NCKAP1L: variants seen among roughly 807,000 people sequenced by gnomAD.
NCKAP1L encodes the protein nck-associated protein 1-like.
NCKAP1L carries 53 observed loss-of-function variants against 139.2 expected under a neutral mutation model. That is an observed-to-expected ratio of 0.38 (90% CI 0.31 to 0.48). The LOEUF (loss-of-function observed/expected upper bound fraction) is 0.48, where lower values mean the gene tolerates loss of function less well. Among genes scored for constraint, NCKAP1L ranks in the 20% least tolerant of loss-of-function variants. NCKAP1L has a pLI of 0.98. For missense variants in NCKAP1L, 1,151 were observed against 1,381.9 expected (o/e 0.83, Z 2.65); for synonymous variants, 468 against 499.7 (o/e 0.94, Z 0.85).
At chr12:54,529,856 G>A (rs1473783531) in intron 22 of NCKAP1L, among the ~76,000 whole-genome samples, 1 of 152,226 alleles carries the variant, frequency 6.6e-6, no homozygotes, top group Non-Finnish European at 1.5e-5. Flanking sequence ...GCTGGGGGTA[G>A]AGAAGACTGG....
At chr12:54,510,225 A>C in intron 7 of NCKAP1L, 1 of 563,816 alleles carries the variant, frequency 1.8e-6, no homozygotes, top group Admixed American at 3.1e-5. Context: ...CTGTCCATAG[A>C]AGGAATTTAG....
chr12:54,537,828 C>T (rs977465496), intron 29 of NCKAP1L, among the ~76,000 whole-genome samples: 5 of 152,048 alleles, frequency 3.3e-5, no homozygotes, highest in Non-Finnish European at 7.4e-5. Flanking sequence ...AACTAGGCAG[C>T]GGATTCCACT....
At position 54,500,535 on chromosome 12, in the gene NCKAP1L, AC is replaced by A; in HGVS notation, c.217del (p.His73IlefsTer2). On this transcript the variant is annotated frameshift_variant, in exon 3 of 31. Coordinates refer to ENST00000293373, the MANE Select transcript of NCKAP1L (RefSeq NM_005337.5). LOFTEE classifies it high-confidence loss of function. ...GTTTTGTTTTGTGTTTCTCTCAGCA[AC>A]ATTTAGGACCAGTACATCGTGAAAA... ...PNIDVRNSTQHLGPVHREKAE... is the reference protein window; with the variant it reads ...PNIDVRNSTQXLGPVHREKAE... The A allele has an allele frequency of 1.2e-6, 2 of 1,608,432 alleles. No individual in the cohort carries two copies. Among genetic ancestry groups the A allele is most frequent in the Non-Finnish European group, 1.7e-6 (2 of 1,174,944 alleles).
At chr12:54,515,748 A>G (rs1442129745) in intron 9 of NCKAP1L, among the ~76,000 whole-genome samples, 2 of 152,368 alleles carry the variant, frequency 1.3e-5, no homozygotes, top group South Asian at 4.1e-4. Flanking sequence ...AGGAGAGATT[A>G]AAGTATTAAA....
intron 4 of NCKAP1L, 52 bp from the exon 5 acceptor site, chr12:54,508,337 T>A: frequency 1.9e-6 from 3 of 1,592,844 alleles, no homozygotes; most frequent in Non-Finnish European, 2.6e-6. Context: ...AAGAAGGAGA[T>A]CCAGGTTAAT....
rs769598239 is a variant in NCKAP1L at position 54,526,603 on chromosome 12, C to T, written c.2232C>T (p.Val744=). 1 of 1,614,022 alleles carries T rather than the reference C, an allele frequency of 6.2e-7. No individual in the cohort carries two copies. Among genetic ancestry groups the T allele is most frequent in the Non-Finnish European group, 8.5e-7 (1 of 1,180,012 alleles). The change falls in exon 21 of 31, where the codon GTC becomes GTT. Residue 744 remains valine (V), a synonymous_variant. Coordinates refer to ENST00000293373, the MANE Select transcript of NCKAP1L (RefSeq NM_005337.5). ...GGCCTTCTGAGCTGTTGGCAGGAGT[C>T]AAAGCATACATTGGTTTCATACAGT... ...IVRPSELLAG[V]KAYIGFIQSL...
chr12:54,527,288 C>G (rs1957034025), intron 21 of NCKAP1L, among the ~76,000 whole-genome samples: 3 of 152,324 alleles, frequency 2.0e-5, no homozygotes, highest in African/African-American at 7.2e-5. Context: ...CTCCCCAAGC[C>G]ACTGGGTGGC....
intron 21 of NCKAP1L, among the ~76,000 whole-genome samples, chr12:54,527,641 A>C (rs995190156): frequency 6.6e-6 from 1 of 151,774 alleles, no homozygotes; most frequent in Non-Finnish European, 1.5e-5. Context: ...AATTCAAAGG[A>C]AAAAAAAAGT....
intron 27 of NCKAP1L, 108 bp downstream of exon 27, chr12:54,535,305 G>C: frequency 1.3e-6 from 1 of 796,516 alleles, no homozygotes; most frequent in Non-Finnish European, 2.0e-6. Context: ...TATATATTCA[G>C]AGGATATAAG....
chr12:54,534,997 T>A (rs1957103015), intron 26 of NCKAP1L, 107 bp from the exon 27 acceptor site: 144 of 686,504 alleles, frequency 2.1e-4, no homozygotes, highest in Middle Eastern at 4.3e-4. Context: ...AAAGCATCTT[T>A]AAAAAAAAAA....
intron 30 of NCKAP1L, among the ~76,000 whole-genome samples, chr12:54,540,620 A>G (rs1327098531): frequency 6.6e-6 from 1 of 152,236 alleles, no homozygotes; most frequent in African/African-American, 2.4e-5. Flanking sequence ...CCTAGTACAT[A>G]GTAGATGCTC....
chr12:54,536,650 C>T lies in NCKAP1L; in HGVS notation c.3074-294C>T, dbSNP rs1386374117. ...TCCAGCATAGTGACAGAGCAAGACC[C>T]TGTCTTTAAAAAAAGAAAAAAAAAA... On this transcript the variant is annotated intron_variant, in intron 28 of 30. Transcript: ENST00000293373. 7 of 330,538 alleles carry T rather than the reference C, an allele frequency of 2.1e-5. No individual in the cohort carries two copies. In the East Asian group the frequency reaches 2.8e-4, roughly 13 times the overall value. 20.5% of individuals were successfully genotyped at this position (330,538 alleles called of 1,614,324 possible).
At chr12:54,511,645 T>C (rs1022765878) in intron 7 of NCKAP1L, among the ~76,000 whole-genome samples, 158 bp from the exon 8 acceptor site, 72 of 152,220 alleles carry the variant, frequency 4.7e-4, no homozygotes, top group African/African-American at 1.7e-3. Context: ...GGCCTCAAGC[T>C]ATCCTCCTGC....
intron 26 of NCKAP1L, among the ~76,000 whole-genome samples, chr12:54,534,436 C>T (rs537934528): frequency 7.7e-4 from 117 of 152,166 alleles, no homozygotes; most frequent in Non-Finnish European, 1.4e-3. Context: ...GGAGATGAGT[C>T]TTGCATTCCA....
Position 54,528,337 on chromosome 12 carries a change from G to A in NCKAP1L, c.2466G>A (p.Gly822=). Reference sequence around the variant, plus strand: ...CCTTCGTCAGCCTGCCCAGAGAAGGGGAGCAGAACTTCAGTGCAGAGGAGT... The same window carrying A: ...CCTTCGTCAGCCTGCCCAGAGAAGGAGAGCAGAACTTCAGTGCAGAGGAGT... The part of the protein sequence containing the change: ...MQAFVSLPRE[G]EQNFSAEEFS... Residue 822 remains glycine, a synonymous_variant, in exon 22 of 31, where the codon GGG becomes GGA. Transcript: ENST00000293373. 1.9e-6 allele frequency: 3 copies of A among 1,614,010 alleles called. No homozygotes were observed. Among genetic ancestry groups the A allele is most frequent in the Non-Finnish European group, 1.7e-6 (2 of 1,179,980 alleles).
chr12:54,502,716 G>A (rs1956808829), intron 3 of NCKAP1L, among the ~76,000 whole-genome samples: 2 of 150,888 alleles, frequency 1.3e-5, no homozygotes, highest in East Asian at 1.9e-4. Context: ...GCTGGGTGCT[G>A]TGGCTCACGC....
intron 10 of NCKAP1L, 90 bp downstream of exon 10, chr12:54,516,385 T>C: frequency 2.5e-6 from 3 of 1,217,508 alleles, no homozygotes; most frequent in Admixed American, 1.8e-5. Context: ...TTAGTTTCTG[T>C]ACAGCTTTAT....
In NCKAP1L at chr12:54,518,729, C is replaced by T. The variant is rs749738620; in HGVS notation, c.1417C>T (p.Gln473Ter). ...VSILSSLNLK[Q>*]VDNGEKFEFS... ...TATCCTCTCCTCTCTGAATCTCAAA[C>T]AAGGTAACTGGAGGGAGGTGGGGGA... The change falls in exon 14 of 31, where the codon CAA becomes TAA. Residue 473 changes from glutamine to a stop codon, truncating the protein, a stop_gained. Transcript: ENST00000293373. LOFTEE classifies it high-confidence loss of function. The T allele has an allele frequency of 6.2e-7, 1 of 1,612,102 alleles. No homozygotes were observed. The highest frequency in any genetic ancestry group is 1.1e-5 in the South Asian group (1 of 91,032).
chr12:54,515,751 G>A (rs1378527884), intron 9 of NCKAP1L, among the ~76,000 whole-genome samples: 1 of 152,216 alleles, frequency 6.6e-6, no homozygotes, highest in Non-Finnish European at 1.5e-5. Flanking sequence ...AGAGATTAAA[G>A]TATTAAATAG....
Sources: allele counts gnomAD v4.1 joint callset (sites outside exome capture counted in the v4.1 genomes callset), GRCh38; gene constraint gnomAD v4.1.1; transcripts MANE v1.5; gene names NCBI Gene and HGNC (gene_info 2026-07-23, HGNC 2026-07-21).